CNOT6: variants seen among roughly 807,000 people sequenced by gnomAD.
The protein encoded by CNOT6 is CCR4-NOT transcription complex subunit 6.
Under a neutral mutation model 61.2 loss-of-function variants are expected in CNOT6, and 12 were observed. That is an observed-to-expected ratio of 0.20 (90% CI 0.13 to 0.32). The LOEUF (loss-of-function observed/expected upper bound fraction) is 0.32, where lower values mean the gene tolerates loss of function less well. Among genes scored for constraint, CNOT6 ranks in the 10% least tolerant of loss-of-function variants. The pLI is 1.00. For synonymous variants in CNOT6, 225 were observed against 240.6 expected (o/e 0.94, Z 0.60); for missense variants, 405 against 663.9 (o/e 0.61, Z 4.28).
intron 2 of CNOT6, among the ~76,000 whole-genome samples, chr5:180,536,806 A>G (rs529726193): frequency 6.6e-6 from 1 of 152,262 alleles, no homozygotes; most frequent in African/African-American, 2.4e-5. Context: ...AATTTTTTGT[A>G]GAGACAGGGG....
At chr5:180,504,898 C>T (rs1378410884) in intron 1 of CNOT6, among the ~76,000 whole-genome samples, 6 of 149,356 alleles carry the variant, frequency 4.0e-5, no homozygotes, top group Non-Finnish European at 8.9e-5. Context: ...TAATTTGATT[C>T]TTACTGATAA....
intron 2 of CNOT6, among the ~76,000 whole-genome samples, chr5:180,536,662 GTGCAGTGA>G (rs923341915): frequency 6.6e-6 from 1 of 152,072 alleles, no homozygotes; most frequent in African/African-American, 2.4e-5. Flanking sequence ...CCAGGCTGTA[GTGCAGTGA>G]TGCCATCTCG....
At chr5:180,525,057 GTGTT>G (rs72045315) in intron 1 of CNOT6, among the ~76,000 whole-genome samples, 14,062 of 152,102 alleles carry the variant, frequency 0.092, 781 homozygotes, top group East Asian at 0.25. Context: ...GCACTTCTTT[GTGTT>G]TGTTCTTTTG....
At chr5:180,565,786 CATGTGT>C in intron 6 of CNOT6, 28 bp from the exon 7 acceptor site, 1 of 1,528,256 alleles carries the variant, frequency 6.5e-7, no homozygotes. Flanking sequence ...TTTTCTGCCA[CATGTGT>C]GAATAAGTAA....
At chr5:180,495,932 GAC>G (rs997463470) in intron 1 of CNOT6, among the ~76,000 whole-genome samples, 5 of 152,142 alleles carry the variant, frequency 3.3e-5, no homozygotes, top group Admixed American at 1.3e-4. Flanking sequence ...TTGTTTTTGA[GAC>G]AGGATCTCAC....
intron 3 of CNOT6, among the ~76,000 whole-genome samples, chr5:180,551,846 A>G (rs186291553): frequency 4.5e-4 from 67 of 149,846 alleles, no homozygotes; most frequent in Middle Eastern, 3.5e-3. Context: ...AAACAAATTT[A>G]CTTGAAGGAC....
In CNOT6 at chr5:180,567,836, G is replaced by C. The variant is rs2127764357; in HGVS notation, c.873-13G>C. On this transcript the variant is annotated splice_polypyrimidine_tract_variant and intron_variant, in intron 8 of 11. Transcript: ENST00000261951. ...AACTCTGTGTGTGTGTGTGTGTGTT[G>C]TTTTTGTTTTAGATTTACTTTGGTT... 2 of 1,613,848 alleles carry C rather than the reference G, an allele frequency of 1.2e-6. No homozygotes were observed. The highest frequency in any genetic ancestry group is 3.3e-4 in the Middle Eastern group (2 of 6,062).
chr5:180,535,408 C>T (rs1440004843), intron 2 of CNOT6, among the ~76,000 whole-genome samples: 4 of 152,148 alleles, frequency 2.6e-5, no homozygotes, highest in South Asian at 2.1e-4. Flanking sequence ...GTGAGAACAT[C>T]GGTATTTGAC....
intron 2 of CNOT6, among the ~76,000 whole-genome samples, chr5:180,538,927 A>G (rs1156403617): frequency 6.6e-6 from 1 of 151,664 alleles, no homozygotes; most frequent in Non-Finnish European, 1.5e-5. Flanking sequence ...TATAATCCCA[A>G]CACTTTGGGA....
chr5:180,553,410 G>T lies in CNOT6; in HGVS notation c.324G>T (p.Leu108=). Residue 108 remains leucine (L), a synonymous_variant, in exon 4 of 12, where the codon CTG becomes CTT. Coordinates refer to ENST00000261951, the MANE Select transcript of CNOT6 (RefSeq NM_001370472.1). ...SLRELHLNNN[L]LRVLPFELGK... Reference sequence around the variant, plus strand: ...GGGAGCTCCATTTAAATAACAACCTGTTACGAGTTCTACCTTTTGAGCTGG... The same window carrying T: ...GGGAGCTCCATTTAAATAACAACCTTTTACGAGTTCTACCTTTTGAGCTGG... 1 of 1,613,818 alleles carries T rather than the reference G, an allele frequency of 6.2e-7. No homozygotes were observed. Among genetic ancestry groups the T allele is most frequent in the Non-Finnish European group, 8.5e-7 (1 of 1,179,858 alleles).
intron 2 of CNOT6, among the ~76,000 whole-genome samples, chr5:180,533,315 T>TAC (rs1758490095): frequency 2.2e-5 from 1 of 45,722 alleles, no homozygotes; most frequent in African/African-American, 8.0e-5. Context: ...TGAAAACCTA[T>TAC]ATATATATAT....
chr5:180,549,648 C>CA lies in CNOT6; in HGVS notation c.113-272dup, dbSNP rs372152764. On this transcript the variant is annotated intron_variant, in intron 2 of 11. Transcript: ENST00000261951. The stretch of plus-strand genomic sequence containing the variant: ...TGGGCAACAGAGCGAGACTCCGTTT[C>CA]AAAAAAAAAAAGGATAAATTATTTT... 8.9e-3 allele frequency among the ~76,000 whole-genome samples: 1,194 copies of CA among 134,720 alleles called. 10 individuals carry two copies. Among genetic ancestry groups the CA allele is most frequent in the African/African-American group, 0.025 (916 of 36,616 alleles). 88.4% of individuals were successfully genotyped at this position (134,720 alleles called of 152,430 possible). A position where few individuals can be genotyped will look rare whatever the true frequency, so the allele number is the denominator to read the frequency against.
Position 180,567,231 on chromosome 5 carries a change from C to T in CNOT6, c.861C>T (p.Phe287=). The change falls in exon 8 of 12, where the codon TTC becomes TTT. Residue 287 remains phenylalanine (F), a synonymous_variant. Coordinates refer to ENST00000261951, the MANE Select transcript of CNOT6 (RefSeq NM_001370472.1). ...RKHVDGCAIF[F]KTEKFTLVQK... is the part of the protein sequence containing the mutation. ...ATGTTGATGGCTGTGCAATATTCTT[C>T]AAGACAGAAAAGTAAGTCATCTTAT... is the stretch of plus-strand genomic sequence containing the variant. The T allele has an allele frequency of 6.2e-7, 1 of 1,604,230 alleles. No individual in the cohort carries two copies. Among genetic ancestry groups the T allele is most frequent in the Non-Finnish European group, 8.5e-7 (1 of 1,177,424 alleles).
At chr5:180,565,062 G>T (rs1760386031) in intron 6 of CNOT6, among the ~76,000 whole-genome samples, 1 of 152,222 alleles carries the variant, frequency 6.6e-6, no homozygotes, top group African/African-American at 2.4e-5. Context: ...GGAGGCCAGG[G>T]TTGCTGCTCA....
chr5:180,543,920 C>T (rs550444757), intron 2 of CNOT6, among the ~76,000 whole-genome samples: 1 of 152,230 alleles, frequency 6.6e-6, no homozygotes, highest in Admixed American at 6.5e-5. Context: ...ACGCCATTCT[C>T]CTGCTTCAGC....
intron 1 of CNOT6, among the ~76,000 whole-genome samples, chr5:180,528,096 A>T (rs1173420569): frequency 6.6e-6 from 1 of 152,048 alleles, no homozygotes; most frequent in African/African-American, 2.4e-5. Flanking sequence ...CTGACTATCC[A>T]TTTAAAAATT....
chr5:180,511,814 TTCTC>T (rs1757411629), intron 1 of CNOT6, among the ~76,000 whole-genome samples: 1 of 151,550 alleles, frequency 6.6e-6, no homozygotes, highest in African/African-American at 2.4e-5. Context: ...GAGCGACAGG[TTCTC>T]TCTCTGTTGC....
At chr5:180,568,230 CTT>C (rs10601026) in intron 9 of CNOT6, among the ~76,000 whole-genome samples, 55,499 of 144,438 alleles carry the variant, frequency 0.38, 10,673 homozygotes, top group Middle Eastern at 0.47. Flanking sequence ...ATTAAAAAAC[CTT>C]TTTTTTTTTT....
intron 7 of CNOT6, among the ~76,000 whole-genome samples, chr5:180,566,554 A>G (rs562414960): frequency 2.7e-5 from 4 of 149,956 alleles, no homozygotes; most frequent in African/African-American, 7.3e-5. Context: ...TTAAACAACA[A>G]TGAGTTGCCC....
Sources: allele counts gnomAD v4.1 joint callset (sites outside exome capture counted in the v4.1 genomes callset), GRCh38; gene constraint gnomAD v4.1.1; transcripts MANE v1.5; gene names NCBI Gene and HGNC (gene_info 2026-07-23, HGNC 2026-07-21).